LYN: variants seen among roughly 807,000 people sequenced by gnomAD.
LYN encodes LYN proto-oncogene, Src family tyrosine kinase.
Under a neutral mutation model 65.0 loss-of-function variants are expected in LYN, and 12 were observed. The observed-to-expected ratio is 0.18, with a 90% CI of 0.12 to 0.30. The LOEUF is 0.30. LYN is among the 10% of genes least tolerant of loss of function. The pLI is 1.00. For synonymous variants in LYN, 222 were observed against 221.2 expected (o/e 1.00, Z -0.03); for missense variants, 380 against 623.2 (o/e 0.61, Z 4.16).
chr8:55,932,196 G>A (rs892443797), intron 1 of LYN, among the ~76,000 whole-genome samples: 24 of 152,124 alleles, frequency 1.6e-4, no homozygotes, highest in African/African-American at 5.1e-4. Context: ...TGACATTAAG[G>A]TTGAAGAATT....
At position 56,011,474 on chromosome 8, in the gene LYN, C is replaced by T. The variant is rs1808816474; in HGVS notation, c.*1364C>T. The T allele has an allele frequency of 4.9e-6, 1 of 202,520 alleles. No individual in the cohort carries two copies. Among genetic ancestry groups the T allele is most frequent in the Non-Finnish European group, 1.0e-5 (1 of 98,722 alleles). The allele number at this position is 202,520 out of a possible 1,614,324, so 12.5% of individuals were successfully genotyped here. ...GGCGGGGTGGTTAGAAGTGATTCAA[C>T]AGAGCTACATGCTTTAAACTTGCCC... On this transcript the variant is annotated 3_prime_UTR_variant, in exon 13 of 13. Transcript: ENST00000519728.
chr8:55,883,073 T>A (rs1423054017), intron 1 of LYN, among the ~76,000 whole-genome samples: 2 of 152,216 alleles, frequency 1.3e-5, no homozygotes, highest in East Asian at 3.8e-4. Context: ...TAGCCTACTG[T>A]TGGACAAAAT....
Position 55,969,610 on chromosome 8 carries a change from A to G in LYN, c.974-107A>G, listed in dbSNP as rs937029530. The stretch of plus-strand genomic sequence containing the variant: ...ATAACCATACAGAATTGCAAAGCCA[A>G]TCATTTTGTGGGGAGTTCCCCTGTA... On this transcript the variant is annotated intron_variant, in intron 9 of 12. Coordinates refer to ENST00000519728, the MANE Select transcript of LYN (RefSeq NM_002350.4). The G allele has an allele frequency of 1.3e-4, 112 of 866,426 alleles. No individual in the cohort carries two copies. In the African/African-American group the frequency reaches 1.5e-3, roughly 11 times the overall value. 53.7% of individuals were successfully genotyped at this position (866,426 alleles called of 1,614,324 possible). A position where few individuals can be genotyped will look rare whatever the true frequency, so the allele number is the denominator to read the frequency against.
intron 10 of LYN, among the ~76,000 whole-genome samples, chr8:55,979,604 A>G (rs1807860942): frequency 1.3e-5 from 2 of 152,224 alleles, no homozygotes; most frequent in South Asian, 4.2e-4. Flanking sequence ...GCCCCCATTT[A>G]AGACCGGTTT....
rs1247558717 is a variant in LYN, at chr8:56,013,471, A to AT, written c.*3362dup. 6.6e-6 allele frequency: 1 copy of AT among 152,116 alleles called. No homozygotes were observed. Among genetic ancestry groups the AT allele is most frequent in the Non-Finnish European group, 1.5e-5 (1 of 68,122 alleles). The allele number at this position is 152,116 out of a possible 1,614,324, so 9.4% of individuals were successfully genotyped here. A position where few individuals can be genotyped will look rare whatever the true frequency, so the allele number is the denominator to read the frequency against. ...TTTTTAGTAGAGATGGGGTTTCACC[A>AT]TGTTAGCCAGGCTGGTCTCGAACTC... is the stretch of plus-strand genomic sequence containing the variant. On this transcript the variant is annotated 3_prime_UTR_variant, in exon 13 of 13. Coordinates refer to ENST00000519728, the MANE Select transcript of LYN (RefSeq NM_002350.4).
intron 8 of LYN, among the ~76,000 whole-genome samples, chr8:55,959,771 G>T (rs1807221820): frequency 6.6e-6 from 1 of 151,948 alleles, no homozygotes; most frequent in South Asian, 2.1e-4. Flanking sequence ...GATGATGAAT[G>T]GGTCAATAAA....
intron 1 of LYN, among the ~76,000 whole-genome samples, chr8:55,906,762 A>G (rs1337552571): frequency 6.6e-6 from 1 of 152,194 alleles, no homozygotes; most frequent in Non-Finnish European, 1.5e-5. Context: ...AGAGAGAGAA[A>G]TAAATGAAAT....
chr8:55,969,941 A>G, intron 10 of LYN, 148 bp downstream of exon 10: 1 of 687,416 alleles, frequency 1.5e-6, no homozygotes, highest in Admixed American at 2.3e-5. Context: ...TCCACAATAC[A>G]ATTCTTGGAG....
Position 55,953,903 on chromosome 8 carries a change from A to C in LYN, c.709A>C (p.Lys237Gln). The C allele has an allele frequency of 6.2e-7, 1 of 1,614,202 alleles. No individual in the cohort carries two copies. The highest frequency in any genetic ancestry group is 8.5e-7 in the Non-Finnish European group (1 of 1,180,016). ...TCCCAAGCCACAGAAGCCATGGGAT[A>C]AAGATGCCTGGGAGATCCCCCGGGA... ...ISPKPQKPWD[K>Q]DAWEIPRESI... The change falls in exon 8 of 13, where the codon AAA becomes CAA. Residue 237 changes from lysine to glutamine, a missense_variant. By Grantham distance (53) the Lys-to-Gln change is moderately conservative (BLOSUM62 1). Transcript: ENST00000519728.
chr8:55,950,142 A>G (rs1225508152), intron 4 of LYN, among the ~76,000 whole-genome samples: 1 of 152,136 alleles, frequency 6.6e-6, no homozygotes, highest in Non-Finnish European at 1.5e-5. Flanking sequence ...CACTGGATGG[A>G]TATTCCAGAT....
intron 1 of LYN, chr8:55,902,578 A>G: frequency 3.7e-6 from 1 of 271,294 alleles, no homozygotes; most frequent in South Asian, 3.5e-5. Context: ...ACCACATTAC[A>G]ATGTTTCAAT....
chr8:55,958,216 C>T (rs1807176103), intron 8 of LYN, among the ~76,000 whole-genome samples: 1 of 152,206 alleles, frequency 6.6e-6, no homozygotes, highest in Non-Finnish European at 1.5e-5. Flanking sequence ...CGCCTTGCTT[C>T]TAATTCCAGA....
chr8:55,952,531 G>A (rs1051910048), intron 7 of LYN, among the ~76,000 whole-genome samples: 1 of 152,210 alleles, frequency 6.6e-6, no homozygotes, highest in African/African-American at 2.4e-5. Flanking sequence ...CTGCACTCCA[G>A]CCTGGGTGAC....
Position 56,013,885 on chromosome 8 carries a change from TA to T in LYN, c.*3777del. The T allele has an allele frequency of 6.6e-6, 1 of 152,372 alleles. No individual in the cohort carries two copies. The highest frequency in any genetic ancestry group is 1.9e-4 in the East Asian group (1 of 5,194). 9.4% of individuals were successfully genotyped at this position (152,372 alleles called of 1,614,324 possible). A position where few individuals can be genotyped will look rare whatever the true frequency, so the allele number is the denominator to read the frequency against. ...TCGTAGTTCTCTATTCCCTACATTT[TA>T]ACTCCACGAATATTTTAGATTAAGT... On this transcript the variant is annotated 3_prime_UTR_variant, in exon 13 of 13. Transcript: ENST00000519728.
At chr8:55,900,849 T>A (rs1483960178) in intron 1 of LYN, among the ~76,000 whole-genome samples, 1 of 152,222 alleles carries the variant, frequency 6.6e-6, no homozygotes, top group Non-Finnish European at 1.5e-5. Flanking sequence ...TTGGAAATCT[T>A]ATATTCTCCT....
chr8:55,947,771 G>C (rs750008694), intron 4 of LYN, 48 bp downstream of exon 4: 1 of 1,265,764 alleles, frequency 7.9e-7, no homozygotes, highest in Non-Finnish European at 1.2e-6. Flanking sequence ...TCAGGCCACT[G>C]AGTCCTGCAG....
intron 7 of LYN, among the ~76,000 whole-genome samples, chr8:55,952,730 T>G (rs1468174415): frequency 5.3e-5 from 8 of 152,224 alleles, no homozygotes; most frequent in African/African-American, 1.9e-4. Context: ...TTGCATATAT[T>G]TTTACAATGC....
intron 1 of LYN, among the ~76,000 whole-genome samples, chr8:55,920,678 A>AT (rs57862713): frequency 2.7e-4 from 40 of 150,542 alleles, no homozygotes; most frequent in Admixed American, 1.9e-3. Flanking sequence ...ACTTCAGGAA[A>AT]TTTTTTTTTT....
In LYN at chr8:55,952,110, A is replaced by G; in HGVS notation, c.632A>G (p.Tyr211Cys). 1 of 1,581,654 alleles carries G rather than the reference A, an allele frequency of 6.3e-7. No individual in the cohort carries two copies. Reference sequence around the variant, plus strand: ...TGTATCAGCGACATGATTAAACATTACCAAAGTAAGTAAAAACTGAAGGTT... The same window carrying G: ...TGTATCAGCGACATGATTAAACATTGCCAAAGTAAGTAAAAACTGAAGGTT... ...FPCISDMIKH[Y>C]QKQADGLCRR... is the part of the protein sequence containing the mutation. Residue 211 changes from tyrosine to cysteine, a missense_variant, in exon 7 of 13, where the codon TAC becomes TGC. Physicochemically the swap from Tyr to Cys is radical, Grantham distance 194. Transcript: ENST00000519728.
Sources: allele counts gnomAD v4.1 joint callset (sites outside exome capture counted in the v4.1 genomes callset), GRCh38; gene constraint gnomAD v4.1.1; transcripts MANE v1.5; gene names NCBI Gene and HGNC (gene_info 2026-07-23, HGNC 2026-07-21).